The following SEMA3C variants were observed in gnomAD, a reference collection of about 807,000 sequenced individuals.
SEMA3C encodes the protein semaphorin-3C.
SEMA3C carries 47 observed loss-of-function variants against 89.4 expected under a neutral mutation model. The observed-to-expected ratio is 0.53, with a 90% CI of 0.42 to 0.67. SEMA3C has a LOEUF of 0.67. Ranked by LOEUF, SEMA3C falls within the 30% of genes least tolerant of loss-of-function variation. SEMA3C has a pLI of 0.00. For synonymous variants in SEMA3C, 310 were observed against 320.2 expected (o/e 0.97, Z 0.34); for missense variants, 839 against 929.1 (o/e 0.90, Z 1.26).
At chr7:80,836,679 AAAACAAACAAAC>A (rs201820910) in intron 2 of SEMA3C, among the ~76,000 whole-genome samples, 24 of 150,962 alleles carry the variant, frequency 1.6e-4, no homozygotes, top group African/African-American at 2.4e-4. Context: ...CTCCATCTCA[AAAACAAACAAAC>A]AAACAAACAA....
chr7:80,875,910 A>G lies in SEMA3C; in HGVS notation c.103+40769T>C, dbSNP rs143779958. On this transcript the variant is annotated intron_variant, in intron 2 of 17. Transcript: ENST00000265361. ...GAGATTGCTAAGACCTACAGTAAGA[A>G]CACATCTTCTATCGGTGAAACTGGG... 1.7e-3 allele frequency among the ~76,000 whole-genome samples: 252 copies of G among 152,230 alleles called. 1 individual carries two copies. The East Asian group carries it at 0.023, about 14-fold the overall frequency.
chr7:80,744,221 C>T lies in SEMA3C; in HGVS notation c.*673G>A, dbSNP rs150469451. 3 of 152,160 alleles carry T rather than the reference C, an allele frequency of 2.0e-5. No homozygotes were observed. The highest frequency in any genetic ancestry group is 4.8e-5 in the African/African-American group (2 of 41,514). The allele number at this position is 152,160 out of a possible 1,614,324, so 9.4% of individuals were successfully genotyped here. A position where few individuals can be genotyped will look rare whatever the true frequency, so the allele number is the denominator to read the frequency against. ...CCAAACTGCTTCACTGATATAACTC[C>T]CACCAAATATCTTCATGGGGTAGGT... On this transcript the variant is annotated 3_prime_UTR_variant, in exon 18 of 18. Transcript: ENST00000265361.
chr7:80,883,188 C>T (rs919485276), intron 2 of SEMA3C, among the ~76,000 whole-genome samples: 3 of 152,130 alleles, frequency 2.0e-5, no homozygotes, highest in Non-Finnish European at 2.9e-5. Flanking sequence ...GCAATGAACA[C>T]AAAATGCATT....
intron 2 of SEMA3C, among the ~76,000 whole-genome samples, chr7:80,853,007 C>A (rs1790552643): frequency 6.6e-6 from 1 of 152,080 alleles, no homozygotes; most frequent in Non-Finnish European, 1.5e-5. Context: ...AGAAGACAAA[C>A]AAATGGTAAA....
At chr7:80,877,183 A>G (rs1262305580) in intron 2 of SEMA3C, among the ~76,000 whole-genome samples, 2 of 152,240 alleles carry the variant, frequency 1.3e-5, no homozygotes, top group Non-Finnish European at 2.9e-5. Flanking sequence ...TAGCAAGACT[A>G]TGAGTACACA....
chr7:80,805,809 A>T, intron 6 of SEMA3C, 51 bp from the exon 7 acceptor site: 1 of 1,394,884 alleles, frequency 7.2e-7, no homozygotes, highest in Non-Finnish European at 1.0e-6. Context: ...GCTATTTTGA[A>T]ATTCTAGGTG....
chr7:80,921,110 C>A (rs1398961186), upstream of SEMA3C, among the ~76,000 whole-genome samples: 1 of 152,112 alleles, frequency 6.6e-6, no homozygotes, highest in Non-Finnish European at 1.5e-5. Flanking sequence ...TAATTCCAAA[C>A]TCAATTTACA....
chr7:80,755,989 A>ATG (rs1788057164), intron 15 of SEMA3C, among the ~76,000 whole-genome samples: 1 of 151,878 alleles, frequency 6.6e-6, no homozygotes, highest in Non-Finnish European at 1.5e-5. Flanking sequence ...CATCTACGAG[A>ATG]CTCCTGGTTT....
At chr7:80,795,818 G>C (rs778551715) in intron 11 of SEMA3C, among the ~76,000 whole-genome samples, 1 of 152,118 alleles carries the variant, frequency 6.6e-6, no homozygotes, top group Non-Finnish European at 1.5e-5. Context: ...AAATCTCCCT[G>C]ATTTGTAGCA....
chr7:80,803,188 T>A (rs1026355834), intron 8 of SEMA3C, among the ~76,000 whole-genome samples: 17 of 152,180 alleles, frequency 1.1e-4, no homozygotes, highest in African/African-American at 3.6e-4. Context: ...AGTGATTATA[T>A]CTTTACACAA....
intron 2 of SEMA3C, among the ~76,000 whole-genome samples, chr7:80,838,468 G>C (rs1451123600): frequency 1.3e-5 from 2 of 152,002 alleles, no homozygotes; most frequent in Non-Finnish European, 2.9e-5. Flanking sequence ...GGAAAAAGGG[G>C]TCTATGTAAA....
chr7:80,902,334 T>A (rs1035603657), intron 2 of SEMA3C, among the ~76,000 whole-genome samples: 1 of 152,208 alleles, frequency 6.6e-6, no homozygotes, highest in Non-Finnish European at 1.5e-5. Flanking sequence ...CCCTAAGTAC[T>A]CAATTTGTGT....
intron 2 of SEMA3C, among the ~76,000 whole-genome samples, chr7:80,908,664 G>A (rs1792070896): frequency 6.6e-6 from 1 of 152,050 alleles, no homozygotes; most frequent in South Asian, 2.1e-4. Flanking sequence ...GCTAGGGATG[G>A]ATTACTTCCT....
chr7:80,911,150 C>T, intron 2 of SEMA3C, among the ~76,000 whole-genome samples: 1 of 151,974 alleles, frequency 6.6e-6, no homozygotes. Context: ...GTTTGATGTT[C>T]TAAGAGCAAT....
chr7:80,891,835 T>A (rs1791620855), intron 2 of SEMA3C, among the ~76,000 whole-genome samples: 1 of 152,110 alleles, frequency 6.6e-6, no homozygotes, highest in African/African-American at 2.4e-5. Flanking sequence ...ATGAAGATTG[T>A]TTTTCCATGC....
At position 80,765,197 on chromosome 7, in the gene SEMA3C, A is replaced by C. The variant is rs922634808; in HGVS notation, c.1401T>G (p.Ser467=). 1 of 1,613,786 alleles carries C rather than the reference A, an allele frequency of 6.2e-7. No homozygotes were observed. Among genetic ancestry groups the C allele is most frequent in the African/African-American group, 1.3e-5 (1 of 74,898 alleles). Residue 467 remains serine (S), a synonymous_variant, in exon 13 of 18, where the codon TCT becomes TCG. Transcript: ENST00000265361. ...CCTCCAGAATGAGCTCGCCACTGAC[A>C]GAGTTGTTAGTAGGAAGAACAACCA... ...QKVVVLPTNN[S]VSGELILEEL... is the part of the protein sequence containing the mutation.
chr7:80,774,445 A>G (rs908141806), intron 12 of SEMA3C, among the ~76,000 whole-genome samples: 1 of 152,204 alleles, frequency 6.6e-6, no homozygotes, highest in Admixed American at 6.5e-5. Flanking sequence ...TAATAAAACA[A>G]ATATATTCAA....
At chr7:80,882,588 T>C (rs1027290439) in intron 2 of SEMA3C, among the ~76,000 whole-genome samples, 3 of 151,958 alleles carry the variant, frequency 2.0e-5, no homozygotes, top group African/African-American at 7.2e-5. Flanking sequence ...ATCAATAAAA[T>C]ATTTCAGCTC....
chr7:80,746,071 A>G (rs957766962), intron 17 of SEMA3C, among the ~76,000 whole-genome samples: 2 of 152,146 alleles, frequency 1.3e-5, no homozygotes, highest in Non-Finnish European at 2.9e-5. Flanking sequence ...AGTACTGCCA[A>G]TGAATAGATA....
Sources: allele counts gnomAD v4.1 joint callset (sites outside exome capture counted in the v4.1 genomes callset), GRCh38; gene constraint gnomAD v4.1.1; transcripts MANE v1.5; gene names NCBI Gene and HGNC (gene_info 2026-07-23, HGNC 2026-07-21).